Variants in ACTN4 observed in about 807,000 individuals in gnomAD.
The protein encoded by ACTN4 is actinin alpha 4.
A neutral mutation model predicts 114.2 loss-of-function variants in ACTN4; 18 were observed. That is an observed-to-expected ratio of 0.16 (90% CI 0.11 to 0.23). The LOEUF (loss-of-function observed/expected upper bound fraction) is 0.23, where lower values mean the gene tolerates loss of function less well. Among genes scored for constraint, ACTN4 ranks in the 10% least tolerant of loss-of-function variants. The pLI is 1.00. For synonymous variants in ACTN4, 515 were observed against 506.3 expected (o/e 1.02, Z -0.23); for missense variants, 722 against 1,262.9 (o/e 0.57, Z 6.49).
chr19:38,709,813 G>A (rs926257997), intron 7 of ACTN4, among the ~76,000 whole-genome samples: 1 of 152,196 alleles, frequency 6.6e-6, no homozygotes, highest in Non-Finnish European at 1.5e-5. Flanking sequence ...GGCTTCCTGC[G>A]AGCAACCCTG....
intron 1 of ACTN4, among the ~76,000 whole-genome samples, chr19:38,656,133 A>G (rs1489776928): frequency 1.3e-5 from 2 of 151,758 alleles, no homozygotes; most frequent in African/African-American, 2.4e-5. Flanking sequence ...CTTTTTTTTG[A>G]GACAGGGTGT....
chr19:38,701,931 G>A lies in ACTN4; in HGVS notation c.397+810G>A, dbSNP rs762839065. On this transcript the variant is annotated intron_variant, in intron 3 of 20. Transcript: ENST00000252699. ...GCTCTGAGAGTTTGGCCAAGACTCCGGGCCAGAATGTGTGTGCTGAGTTCC... is the reference window on the plus strand; with the variant it reads ...GCTCTGAGAGTTTGGCCAAGACTCCAGGCCAGAATGTGTGTGCTGAGTTCC... 3.9e-4 allele frequency among the ~76,000 whole-genome samples: 59 copies of A among 152,208 alleles called. 2 individuals are homozygous for A. Among genetic ancestry groups the A allele is most frequent in the East Asian group, 5.8e-4 (3 of 5,206 alleles).
chr19:38,696,102 C>T (rs967223380), intron 1 of ACTN4, among the ~76,000 whole-genome samples: 8 of 152,122 alleles, frequency 5.3e-5, no homozygotes, highest in Admixed American at 2.0e-4. Flanking sequence ...GAGCAGTGCC[C>T]GCCCCTAGTA....
chr19:38,672,570 G>A (rs1442820601), intron 1 of ACTN4, among the ~76,000 whole-genome samples: 1 of 151,180 alleles, frequency 6.6e-6, no homozygotes, highest in African/African-American at 2.4e-5. Flanking sequence ...TATGTTCTTT[G>A]TTTGTTTGTT....
chr19:38,709,086 T>C (rs1252909614), intron 6 of ACTN4, among the ~76,000 whole-genome samples: 1 of 152,102 alleles, frequency 6.6e-6, no homozygotes, highest in East Asian at 1.9e-4. Context: ...AACCAGGTTT[T>C]AGGGCAAGGG....
At position 38,724,377 on chromosome 19, in the gene ACTN4, G is replaced by A. The variant is rs776186910; in HGVS notation, c.1875+38G>A. ...CATCCGTAGGGGCTGGGGCAGGACG[G>A]CGGGGCTGGGGGCCACCTCCCTGAC... On this transcript the variant is annotated intron_variant, in intron 15 of 20. Transcript: ENST00000252699. The surrounding 1 kb of genome is among the most constrained non-coding windows in gnomAD (Gnocchi z 7.0). 6.2e-7 allele frequency: 1 copy of A among 1,611,708 alleles called. No homozygotes were observed. Among genetic ancestry groups the A allele is most frequent in the African/African-American group, 1.3e-5 (1 of 74,904 alleles).
At position 38,726,941 on chromosome 19, in the gene ACTN4, C is replaced by T; in HGVS notation, c.2191-16C>T. On this transcript the variant is annotated splice_polypyrimidine_tract_variant and intron_variant, in intron 17 of 20. Coordinates refer to ENST00000252699, the MANE Select transcript of ACTN4 (RefSeq NM_004924.6). ...CACAGCACCCGGCCCACGATCACGC[C>T]CCCGTCTTTCCGCAGCACATCCGCG... 1 of 1,613,558 alleles carries T rather than the reference C, an allele frequency of 6.2e-7. No individual in the cohort carries two copies. Among genetic ancestry groups the T allele is most frequent in the Non-Finnish European group, 8.5e-7 (1 of 1,179,996 alleles).
intron 9 of ACTN4, among the ~76,000 whole-genome samples, chr19:38,715,649 A>C (rs1968814707): frequency 6.6e-6 from 1 of 152,212 alleles, no homozygotes; most frequent in Non-Finnish European, 1.5e-5. Flanking sequence ...TTATTTTGCC[A>C]AGTTACGGAT....
At chr19:38,650,436 T>C (rs537174486) in intron 1 of ACTN4, among the ~76,000 whole-genome samples, 1 of 152,188 alleles carries the variant, frequency 6.6e-6, no homozygotes, top group East Asian at 1.9e-4. Context: ...CCCAGCTCCC[T>C]TCCTCTGGGG....
chr19:38,705,767 C>T (rs1968438527), intron 4 of ACTN4, among the ~76,000 whole-genome samples: 2 of 152,220 alleles, frequency 1.3e-5, no homozygotes, highest in South Asian at 4.1e-4. Context: ...CCTGACACCA[C>T]CACCTCCTGG....
chr19:38,664,324 G>A (rs943552472), intron 1 of ACTN4, among the ~76,000 whole-genome samples: 3 of 151,966 alleles, frequency 2.0e-5, no homozygotes, highest in African/African-American at 7.3e-5. Context: ...ATGGCCAAAT[G>A]TGTGACTTAA....
chr19:38,721,968 C>A, intron 12 of ACTN4: 1 of 510,802 alleles, frequency 2.0e-6, no homozygotes, highest in Non-Finnish European at 3.6e-6. Flanking sequence ...TTAGGGGTCC[C>A]TGGGGGTGTC....
chr19:38,674,859 G>T lies in ACTN4; in HGVS notation c.163-25741G>T, dbSNP rs903475244. Among the ~76,000 whole-genome samples, 6 of 152,328 alleles carry T rather than the reference G, an allele frequency of 3.9e-5. No individual in the cohort carries two copies. In the South Asian group the frequency reaches 1.2e-3, roughly 32 times the overall value. On this transcript the variant is annotated intron_variant, in intron 1 of 20. Transcript: ENST00000252699. ...CAGTGTGCCTACCATTCAGGTCTTG[G>T]AGAATAGGGTATGGCGAAAGGAGAG...
At chr19:38,728,392 C>G in intron 19 of ACTN4, 3 of 1,376,622 alleles carry the variant, frequency 2.2e-6, no homozygotes, top group Non-Finnish European at 2.9e-6. Context: ...GTATGCAGCT[C>G]TGTCTCCCCA....
At chr19:38,663,391 C>T (rs1159962181) in intron 1 of ACTN4, among the ~76,000 whole-genome samples, 3 of 152,192 alleles carry the variant, frequency 2.0e-5, no homozygotes, top group Non-Finnish European at 4.4e-5. Flanking sequence ...AGACCTGGTC[C>T]GTGCTCTCAA....
chr19:38,656,006 T>C (rs753455219), intron 1 of ACTN4, among the ~76,000 whole-genome samples: 1 of 152,252 alleles, frequency 6.6e-6, no homozygotes, highest in Non-Finnish European at 1.5e-5. Context: ...GATCCATTGT[T>C]GGTTGAATTC....
chr19:38,647,674 C>A lies in ACTN4; in HGVS notation c.-72C>A. The A allele has an allele frequency of 6.8e-7, 1 of 1,480,068 alleles. No homozygotes were observed. The highest frequency in any genetic ancestry group is 9.0e-7 in the Non-Finnish European group (1 of 1,114,232). 91.7% of individuals were successfully genotyped at this position (1,480,068 alleles called of 1,614,324 possible). On this transcript the variant is annotated 5_prime_UTR_variant, in exon 1 of 21. Coordinates refer to ENST00000252699, the MANE Select transcript of ACTN4 (RefSeq NM_004924.6). ...GAAGCAGCTGAAGCGGCGGTAGCGG[C>A]GGCGGCTCGGGCAGAGGGGCGGGAG...
rs2144961578 is a variant in ACTN4, at chr19:38,692,260, G to A, written c.163-8340G>A. 3.3e-5 allele frequency among the ~76,000 whole-genome samples: 5 copies of A among 152,368 alleles called. No homozygotes were observed. In the Middle Eastern group the frequency reaches 0.017, roughly 518 times the overall value. On this transcript the variant is annotated intron_variant, in intron 1 of 20. Transcript: ENST00000252699. Reference sequence around the variant, plus strand: ...CAGTGCACTTGCTTTGCCCCTGGCTGGGGTTGGGTCCTGGACAGGCTGCCC... The same window carrying A: ...CAGTGCACTTGCTTTGCCCCTGGCTAGGGTTGGGTCCTGGACAGGCTGCCC...
chr19:38,666,773 C>T lies in ACTN4; in HGVS notation c.162+18866C>T, dbSNP rs1018208581. Among the ~76,000 whole-genome samples, 4 of 152,320 alleles carry T rather than the reference C, an allele frequency of 2.6e-5. No homozygotes were observed. In the South Asian group the frequency reaches 8.3e-4, roughly 32 times the overall value. On this transcript the variant is annotated intron_variant, in intron 1 of 20. Transcript: ENST00000252699. ...TCTGTCACCCCTCCTAGATCATTAT[C>T]CCAGGCTAATCAACCCTCTCTAAGG...
Sources: gnomAD v4.1 joint callset for allele counts (sites outside exome capture counted in the v4.1 genomes callset) on GRCh38, gnomAD v4.1.1 for gene constraint, Gnocchi (gnomAD v3.1) non-coding constraint, MANE v1.5 for transcripts, NCBI Gene and HGNC (gene_info 2026-07-23, HGNC 2026-07-21) for gene names.